GALNT18: variants seen among roughly 807,000 people sequenced by gnomAD.
GALNT18 encodes GalNAc-transferase 18.
Under a neutral mutation model 69.5 loss-of-function variants are expected in GALNT18, and 44 were observed. The observed-to-expected ratio is 0.63, with a 90% confidence interval of 0.50 to 0.81. The LOEUF (loss-of-function observed/expected upper bound fraction) is 0.81. Among genes scored for constraint, GALNT18 ranks in the 40% least tolerant of loss-of-function variants. The pLI, the probability that GALNT18 is intolerant of heterozygous loss-of-function variation, is 0.00. For synonymous variants in GALNT18, 364 were observed against 318.2 expected, an observed-to-expected ratio of 1.14 and a Z score of -1.53; for missense variants, 715 against 810.0, an observed-to-expected ratio of 0.88 and a Z score of 1.42.
At chr11:11,495,549 A>G (rs1280611100) in intron 1 of GALNT18, among the ~76,000 whole-genome samples, 5 of 152,232 alleles carry the variant, frequency 3.3e-5, no homozygotes, top group Non-Finnish European at 2.9e-5. Flanking sequence ...GCAAAGAGCC[A>G]TAAGTGGAAT....
At chr11:11,286,257 T>C (rs1849191651) in intron 10 of GALNT18, among the ~76,000 whole-genome samples, 1 of 152,242 alleles carries the variant, frequency 6.6e-6, no homozygotes, top group Non-Finnish European at 1.5e-5. Flanking sequence ...CTCCATGCAA[T>C]ATGCATATCT....
In GALNT18 at chr11:11,321,397, C is replaced by T. The variant is rs12225740; in HGVS notation, c.1512+5689G>A. Among the ~76,000 whole-genome samples the T allele has an allele frequency of 1.6e-3, 236 of 152,192 alleles. 2 individuals carry two copies. Among genetic ancestry groups the T allele is most frequent in the East Asian group, 6.2e-3 (32 of 5,182 alleles). On this transcript the variant is annotated intron_variant, in intron 9 of 10. Coordinates refer to ENST00000227756, the MANE Select transcript of GALNT18 (RefSeq NM_198516.3). Reference sequence around the variant, plus strand: ...AGTTAAGAACTGTGCAGTTAAGATTCGTGTATTTTAGTATAAAATTCTACC... The same window carrying T: ...AGTTAAGAACTGTGCAGTTAAGATTTGTGTATTTTAGTATAAAATTCTACC...
At chr11:11,437,459 C>T (rs1264632758) in intron 2 of GALNT18, among the ~76,000 whole-genome samples, 1 of 152,056 alleles carries the variant, frequency 6.6e-6, no homozygotes, top group Non-Finnish European at 1.5e-5. Context: ...GGAGCAACAA[C>T]TTAGGGGGCT....
At chr11:11,568,331 C>T (rs546309513) in intron 1 of GALNT18, among the ~76,000 whole-genome samples, 7 of 152,244 alleles carry the variant, frequency 4.6e-5, no homozygotes, top group African/African-American at 1.7e-4. Context: ...GGGGAGTTGG[C>T]CAGCTCTTTG....
intron 1 of GALNT18, among the ~76,000 whole-genome samples, chr11:11,490,931 G>T (rs937558140): frequency 5.3e-5 from 8 of 152,194 alleles, no homozygotes; most frequent in Non-Finnish European, 1.0e-4. Flanking sequence ...CACACTCCCA[G>T]ACCTGAAAGT....
chr11:11,349,611 A>G (rs1397575705), intron 6 of GALNT18, among the ~76,000 whole-genome samples: 1 of 152,140 alleles, frequency 6.6e-6, no homozygotes, highest in Non-Finnish European at 1.5e-5. Context: ...GCTCATGTCA[A>G]CTTTGTCCTC....
intron 3 of GALNT18, among the ~76,000 whole-genome samples, chr11:11,418,115 A>G (rs1178003724): frequency 6.6e-6 from 1 of 152,166 alleles, no homozygotes; most frequent in Non-Finnish European, 1.5e-5. Context: ...GCCTTCCCCT[A>G]TGACTTTGAA....
intron 3 of GALNT18, among the ~76,000 whole-genome samples, chr11:11,423,074 G>T (rs12293713): frequency 6.6e-6 from 1 of 151,948 alleles, no homozygotes; most frequent in African/African-American, 2.4e-5. Flanking sequence ...GCGTAAGTGC[G>T]CACACACAGG....
rs541040920 is a variant in GALNT18, at chr11:11,332,484, G to A, written c.1416+210C>T. Among the ~76,000 whole-genome samples, 3 of 152,188 alleles carry A rather than the reference G, an allele frequency of 2.0e-5. No homozygotes were observed. The highest frequency in any genetic ancestry group is 7.2e-5 in the African/African-American group (3 of 41,440). Reference sequence around the variant, plus strand: ...AGCTGAATTGCTTAGGACTATAAAGGAGAGACAAGTACCTCTCTCAAGGGA... The same window carrying A: ...AGCTGAATTGCTTAGGACTATAAAGAAGAGACAAGTACCTCTCTCAAGGGA... On this transcript the variant is annotated intron_variant, in intron 8 of 10. Coordinates refer to ENST00000227756, the MANE Select transcript of GALNT18 (RefSeq NM_198516.3). This position sits in a 1 kb window ranked among gnomAD's most constrained non-coding sequence, Gnocchi z 4.3.
At chr11:11,551,459 C>G (rs1858188518) in intron 1 of GALNT18, among the ~76,000 whole-genome samples, 1 of 152,184 alleles carries the variant, frequency 6.6e-6, no homozygotes, top group Admixed American at 6.5e-5. Context: ...GGAGCGGAAA[C>G]AGATTCCCAA....
intron 6 of GALNT18, among the ~76,000 whole-genome samples, chr11:11,350,320 T>C (rs1226106699): frequency 6.6e-6 from 1 of 152,226 alleles, no homozygotes; most frequent in Non-Finnish European, 1.5e-5. Flanking sequence ...CCACAGGAGT[T>C]CAGGGAAGGA....
chr11:11,566,234 C>A (rs1334176747), intron 1 of GALNT18, among the ~76,000 whole-genome samples: 1 of 152,190 alleles, frequency 6.6e-6, no homozygotes, highest in African/African-American at 2.4e-5. Flanking sequence ...GAGGAATATA[C>A]AGCCTTTCTC....
In GALNT18 at chr11:11,432,527, C is replaced by G. The variant is rs926268454; in HGVS notation, c.595+94G>C. ...GCTCCAGAGAAAGAGCAGCCACAGA[C>G]AGCCTTGAGCAAATGTGAACCACGA... On this transcript the variant is annotated intron_variant, in intron 3 of 10. Coordinates refer to ENST00000227756, the MANE Select transcript of GALNT18 (RefSeq NM_198516.3). The surrounding 1 kb of genome is among the most constrained non-coding windows in gnomAD (Gnocchi z 5.8). 6.7e-5 allele frequency: 85 copies of G among 1,265,646 alleles called. No individual in the cohort carries two copies. Among genetic ancestry groups the G allele is most frequent in the Non-Finnish European group, 8.5e-5 (78 of 918,580 alleles). 78.4% of individuals were successfully genotyped at this position (1,265,646 alleles called of 1,614,324 possible). A position where few individuals can be genotyped will look rare whatever the true frequency, so the allele number is the denominator to read the frequency against.
rs1001354308 is a variant in GALNT18 at position 11,341,260 on chromosome 11, C to T, written c.1093-256G>A. On this transcript the variant is annotated intron_variant, in intron 6 of 10. Transcript: ENST00000227756. This position sits in a 1 kb window ranked among gnomAD's most constrained non-coding sequence, Gnocchi z 6.3. ...CAAAAAAAATGAATGCACTTTTTCC[C>T]TCCACCTGTGAGCCCTACCCCACCA... Among the ~76,000 whole-genome samples the T allele has an allele frequency of 1.3e-5, 2 of 152,128 alleles. No homozygotes were observed. The highest frequency in any genetic ancestry group is 3.8e-4 in the East Asian group (2 of 5,198).
At chr11:11,286,989 C>T (rs562896534) in intron 10 of GALNT18, among the ~76,000 whole-genome samples, 1 of 152,262 alleles carries the variant, frequency 6.6e-6, no homozygotes, top group South Asian at 2.1e-4. Flanking sequence ...AGCTGTGGAG[C>T]CTTTGACAAC....
chr11:11,530,139 A>G (rs1032754925), intron 1 of GALNT18, among the ~76,000 whole-genome samples: 2 of 152,136 alleles, frequency 1.3e-5, no homozygotes, highest in African/African-American at 4.8e-5. Flanking sequence ...TGATGCCTCT[A>G]GTAAGGAGGC....
At chr11:11,467,393 C>T (rs1856176030) in intron 1 of GALNT18, among the ~76,000 whole-genome samples, 1 of 152,228 alleles carries the variant, frequency 6.6e-6, no homozygotes, top group Non-Finnish European at 1.5e-5. Context: ...TACCCAGAGC[C>T]AGATGAGAGA....
chr11:11,323,565 C>T (rs1241124880), intron 9 of GALNT18, among the ~76,000 whole-genome samples: 1 of 152,214 alleles, frequency 6.6e-6, no homozygotes, highest in African/African-American at 2.4e-5. Flanking sequence ...TTAGGCTAGA[C>T]AGGGCACCAG....
chr11:11,349,262 G>T (rs1374810887), intron 6 of GALNT18, among the ~76,000 whole-genome samples: 1 of 152,162 alleles, frequency 6.6e-6, no homozygotes, highest in East Asian at 1.9e-4. Context: ...GAACGCGCTT[G>T]TATGTGTCTC....
Sources: allele counts gnomAD v4.1 joint callset (sites outside exome capture counted in the v4.1 genomes callset), GRCh38; gene constraint gnomAD v4.1.1; non-coding constraint Gnocchi (gnomAD v3.1); transcripts MANE v1.5; gene names NCBI Gene and HGNC (gene_info 2026-07-23, HGNC 2026-07-21).